Variants in LOXL2 observed in about 807,000 individuals in gnomAD.
The protein encoded by LOXL2 is lysyl oxidase homolog 2.
In LOXL2, 70 loss-of-function variants were observed where a neutral mutation model predicts 93.0. The observed-to-expected ratio is 0.75, with a 90% CI of 0.62 to 0.92. LOXL2 has a LOEUF of 0.92. Among genes scored for constraint, LOXL2 ranks in the 40% least tolerant of loss-of-function variants. LOXL2 has a pLI of 0.00. For missense variants in LOXL2, 973 were observed against 1,054.9 expected (o/e 0.92, Z 1.08); for synonymous variants, 438 against 413.2 (o/e 1.06, Z -0.73).
At chr8:23,318,943 G>A (rs1200084180) in intron 8 of LOXL2, among the ~76,000 whole-genome samples, 2 of 152,204 alleles carry the variant, frequency 1.3e-5, no homozygotes, top group African/African-American at 2.4e-5. Flanking sequence ...CAGCCCATGG[G>A]AGACAGTCAG....
chr8:23,367,283 A>T (rs1804418308), intron 2 of LOXL2, among the ~76,000 whole-genome samples: 1 of 152,144 alleles, frequency 6.6e-6, no homozygotes, highest in South Asian at 2.1e-4. Context: ...TCCTGACCTC[A>T]AGTGATCATC....
At chr8:23,322,842 G>C (rs6996328) in intron 6 of LOXL2, among the ~76,000 whole-genome samples, 3,308 of 152,320 alleles carry the variant, frequency 0.022, 130 homozygotes, top group Admixed American at 0.087. Context: ...CTGCCTCCCT[G>C]CTAGGGGCTG....
intron 1 of LOXL2, among the ~76,000 whole-genome samples, chr8:23,390,268 T>A (rs1585383697): frequency 6.6e-6 from 1 of 152,258 alleles, no homozygotes; most frequent in Admixed American, 6.5e-5. Flanking sequence ...CAGGCTGTCT[T>A]GGCTGAATGG....
At chr8:23,350,381 C>G (rs1007347410) in intron 3 of LOXL2, among the ~76,000 whole-genome samples, 2 of 152,110 alleles carry the variant, frequency 1.3e-5, no homozygotes, top group Admixed American at 1.3e-4. Context: ...GAGTTTGAGA[C>G]CAGCCTGGCC....
chr8:23,346,531 G>A (rs1207483024), intron 3 of LOXL2, among the ~76,000 whole-genome samples: 1 of 152,218 alleles, frequency 6.6e-6, no homozygotes, highest in Non-Finnish European at 1.5e-5. Context: ...TGACTCTCAG[G>A]TTTATGCCTA....
chr8:23,371,705 T>G (rs867601815), intron 1 of LOXL2, among the ~76,000 whole-genome samples: 15 of 124,100 alleles, frequency 1.2e-4, no homozygotes, highest in Middle Eastern at 0.011. Context: ...TGAGCCGAGG[T>G]CACGCCACTG....
At chr8:23,363,459 G>A (rs149273990) in intron 2 of LOXL2, 1 of 152,208 alleles carries the variant, frequency 6.6e-6, no homozygotes, top group Non-Finnish European at 1.5e-5. Context: ...CTCCCTAATC[G>A]ATTGCTGTCT....
In LOXL2 at chr8:23,297,993, A is replaced by G. The variant is rs747455065; in HGVS notation, c.*50T>C. 2.7e-6 allele frequency: 4 copies of G among 1,498,258 alleles called. No homozygotes were observed. The highest frequency in any genetic ancestry group is 2.3e-5 in the South Asian group (2 of 87,206). The allele number at this position is 1,498,258 out of a possible 1,614,324, so 92.8% of individuals were successfully genotyped here. A position where few individuals can be genotyped will look rare whatever the true frequency, so the allele number is the denominator to read the frequency against. ...GACTCAGTTGTTGGGGGGAAGTCCCATGGAAGATGTGGTGTGGCCTGAAGA... is the reference window on the plus strand; with the variant it reads ...GACTCAGTTGTTGGGGGGAAGTCCCGTGGAAGATGTGGTGTGGCCTGAAGA... On this transcript the variant is annotated 3_prime_UTR_variant, in exon 14 of 14. Transcript: ENST00000389131.
chr8:23,319,837 C>A, intron 8 of LOXL2, 48 bp downstream of exon 8: 2 of 1,590,494 alleles, frequency 1.3e-6, no homozygotes, highest in South Asian at 2.3e-5. Context: ...ACAGTGTGGT[C>A]AGACTGCATG....
At position 23,307,953 on chromosome 8, in the gene LOXL2, G is replaced by GGAAAAAAAAAAAAAAAAAAAAAAAAAA. The variant is rs58347035; in HGVS notation, c.1880+1714_1880+1715insTTTTTTTTTTTTTTTTTTTTTTTTTTC. On this transcript the variant is annotated intron_variant, in intron 10 of 13. Transcript: ENST00000389131. ...GTGACTAGGTCATCAGCTGCGATAT[G>GGAAAAAAAAAAAAAAAAAAAAAAAAAA]AAAAAAAAAAAAAAAAAAAAGCCAA... is the stretch of plus-strand genomic sequence containing the variant. Among the ~76,000 whole-genome samples, 4 of 83,522 alleles carry GGAAAAAAAAAAAAAAAAAAAAAAAAAA rather than the reference G, an allele frequency of 4.8e-5. 2 individuals are homozygous for GGAAAAAAAAAAAAAAAAAAAAAAAAAA. The allele number at this position is 83,522 out of a possible 152,430, so 54.8% of individuals were successfully genotyped here.
chr8:23,302,464 G>GCCTGGGGATA (rs1338002973), intron 11 of LOXL2, among the ~76,000 whole-genome samples: 61 of 152,232 alleles, frequency 4.0e-4, no homozygotes, highest in African/African-American at 1.4e-3. Flanking sequence ...CGTGTGTGTG[G>GCCTGGGGATA]ACCGAGGAAA....
chr8:23,318,175 A>T (rs79129514), intron 8 of LOXL2, among the ~76,000 whole-genome samples: 14,266 of 81,028 alleles, frequency 0.18, 879 homozygotes, highest in African/African-American at 0.22. Flanking sequence ...CTTAAGGGGT[A>T]AAAAAAAAAA....
At chr8:23,393,196 T>C (rs542082289) in intron 1 of LOXL2, among the ~76,000 whole-genome samples, 11 of 152,284 alleles carry the variant, frequency 7.2e-5, no homozygotes, top group Admixed American at 3.3e-4. Flanking sequence ...TTTGCAGAAA[T>C]TGACAAGCTG....
chr8:23,389,839 C>A (rs1337630594), intron 1 of LOXL2, among the ~76,000 whole-genome samples: 1 of 152,154 alleles, frequency 6.6e-6, no homozygotes, highest in South Asian at 2.1e-4. Context: ...GGAAGTGATT[C>A]ATTCCTCCCA....
intron 1 of LOXL2, among the ~76,000 whole-genome samples, chr8:23,403,523 GGCAGTCACT>G (rs1940265209): frequency 6.6e-6 from 1 of 152,064 alleles, no homozygotes; most frequent in Admixed American, 6.5e-5. Context: ...CAGCCCCGAG[GGCAGTCACT>G]GTCTCCCGAC....
In LOXL2 at chr8:23,368,270, C is replaced by CA. The variant is rs768837634; in HGVS notation, c.81dup (p.Asp28Ter). The CA allele has an allele frequency of 1.2e-6, 2 of 1,613,804 alleles. No individual in the cohort carries two copies. Among genetic ancestry groups the CA allele is most frequent in the East Asian group, 2.2e-5 (1 of 44,864 alleles). On this transcript the variant is annotated frameshift_variant, in exon 2 of 14. Transcript: ENST00000389131. LOFTEE classifies it high-confidence loss of function. ...TACTCGGGGTAATGGGGCCAGCTGT[C>CA]ATACTGTGCCAGGCTCAGGGGGGAC...
At chr8:23,354,945 ATATATTTTTTTTT>A (rs1219457453) in intron 3 of LOXL2, among the ~76,000 whole-genome samples, 3 of 54,978 alleles carry the variant, frequency 5.5e-5, no homozygotes, top group African/African-American at 3.2e-4. Flanking sequence ...ATATATATAT[ATATATTTTTTTTT>A]TTTTTTTTTT....
At chr8:23,315,651 A>G (rs375331381) in intron 9 of LOXL2, among the ~76,000 whole-genome samples, 4 of 152,202 alleles carry the variant, frequency 2.6e-5, no homozygotes, top group African/African-American at 9.7e-5. Flanking sequence ...ATTAATGACC[A>G]GTATTCTCTT....
At chr8:23,354,284 C>T (rs1450361667) in intron 3 of LOXL2, among the ~76,000 whole-genome samples, 1 of 152,198 alleles carries the variant, frequency 6.6e-6, no homozygotes, top group African/African-American at 2.4e-5. Flanking sequence ...ACCCAGCCCA[C>T]AACCTTGCAG....
Sources: allele counts gnomAD v4.1 joint callset (sites outside exome capture counted in the v4.1 genomes callset), GRCh38; gene constraint gnomAD v4.1.1; transcripts MANE v1.5; gene names NCBI Gene and HGNC (gene_info 2026-07-23, HGNC 2026-07-21).